The following RFX4 variants were observed in gnomAD, a reference collection of about 807,000 sequenced individuals.
RFX4 encodes the protein transcription factor RFX4.
Under a neutral mutation model 95.0 loss-of-function variants are expected in RFX4, and 10 were observed. The ratio of observed to expected loss-of-function variants is 0.11; its 90% CI spans 0.06 to 0.18. RFX4 has a LOEUF of 0.18. RFX4 is among the 10% of genes least tolerant of loss of function. RFX4 has a pLI of 1.00. For missense variants in RFX4, 640 were observed against 922.0 expected (o/e 0.69, Z 3.96); for synonymous variants, 321 against 340.7 (o/e 0.94, Z 0.64).
At chr12:106,589,545 T>A (rs1219696328) in intron 1 of RFX4, among the ~76,000 whole-genome samples, 2 of 152,136 alleles carry the variant, frequency 1.3e-5, no homozygotes, top group African/African-American at 4.8e-5. Flanking sequence ...CTTTTTAGGA[T>A]GAAAGAGGGT....
intron 16 of RFX4, 91 bp from the exon 17 acceptor site, chr12:106,750,564 G>A: frequency 1.6e-6 from 2 of 1,262,544 alleles, no homozygotes; most frequent in Non-Finnish European, 1.0e-6. Flanking sequence ...AGAAGAAAAA[G>A]GAAAAAAAAT....
At chr12:106,628,959 G>A (rs955174088) in intron 2 of RFX4, among the ~76,000 whole-genome samples, 4 of 151,836 alleles carry the variant, frequency 2.6e-5, no homozygotes, top group South Asian at 4.2e-4. Flanking sequence ...AGGTCTTGCC[G>A]TGTTGGTTAG....
At chr12:106,607,920 C>A (rs1323428863) in intron 1 of RFX4, among the ~76,000 whole-genome samples, 1 of 152,060 alleles carries the variant, frequency 6.6e-6, no homozygotes, top group Admixed American at 6.5e-5. Context: ...TGGCTGGGCA[C>A]CATGGCTCAC....
intron 8 of RFX4, among the ~76,000 whole-genome samples, chr12:106,701,812 G>A (rs967896915): frequency 2.0e-5 from 3 of 152,180 alleles, no homozygotes; most frequent in African/African-American, 7.2e-5. Context: ...AAGGCAGAAG[G>A]ATCACTTGAG....
chr12:106,760,225 C>T (rs1160399924), intron 17 of RFX4, among the ~76,000 whole-genome samples: 2 of 152,182 alleles, frequency 1.3e-5, no homozygotes, highest in African/African-American at 4.8e-5. Flanking sequence ...TGGTGTAGCC[C>T]TCAGCACAGC....
chr12:106,751,146 C>T (rs1289685271), intron 17 of RFX4, among the ~76,000 whole-genome samples: 1 of 147,742 alleles, frequency 6.8e-6, no homozygotes, highest in Non-Finnish European at 1.5e-5. Context: ...TCCATGTGAT[C>T]TCATTGTTCA....
intron 3 of RFX4, among the ~76,000 whole-genome samples, chr12:106,639,810 GC>G (rs2040583060): frequency 6.6e-6 from 1 of 152,038 alleles, no homozygotes; most frequent in South Asian, 2.1e-4. Context: ...TACTAGAATG[GC>G]TTTCTCTTTA....
At chr12:106,710,304 C>A (rs1274065258) in intron 9 of RFX4, among the ~76,000 whole-genome samples, 1 of 152,184 alleles carries the variant, frequency 6.6e-6, no homozygotes, top group East Asian at 1.9e-4. Context: ...CGCTTTGAGG[C>A]TGCCTGCAGT....
intron 2 of RFX4, among the ~76,000 whole-genome samples, chr12:106,613,805 T>A (rs979897799): frequency 6.6e-6 from 1 of 152,226 alleles, no homozygotes; most frequent in Non-Finnish European, 1.5e-5. Flanking sequence ...TGAAGGAGTT[T>A]GAGGATTAGA....
At chr12:106,644,379 G>A (rs572720478) in intron 3 of RFX4, among the ~76,000 whole-genome samples, 6 of 151,870 alleles carry the variant, frequency 4.0e-5, no homozygotes, top group South Asian at 2.1e-4. Flanking sequence ...GATTACAGGC[G>A]CGCACCGCCA....
intron 2 of RFX4, among the ~76,000 whole-genome samples, chr12:106,628,451 A>G (rs920238279): frequency 1.2e-4 from 19 of 152,228 alleles, no homozygotes; most frequent in Non-Finnish European, 2.1e-4. Context: ...ATGGGTGTTT[A>G]TAATTTGCTT....
intron 4 of RFX4, among the ~76,000 whole-genome samples, chr12:106,670,817 T>C (rs2041266684): frequency 6.6e-6 from 1 of 152,226 alleles, no homozygotes; most frequent in Admixed American, 6.5e-5. Flanking sequence ...TTAATTATTT[T>C]TTCTTTTCTG....
At chr12:106,618,292 C>A (rs970426785) in intron 2 of RFX4, among the ~76,000 whole-genome samples, 7 of 151,820 alleles carry the variant, frequency 4.6e-5, no homozygotes, top group Non-Finnish European at 1.0e-4. Flanking sequence ...TTAAATATTC[C>A]ATATCCTTAC....
chr12:106,670,936 C>A (rs1052569531), intron 4 of RFX4, among the ~76,000 whole-genome samples: 1 of 152,178 alleles, frequency 6.6e-6, no homozygotes, highest in Non-Finnish European at 1.5e-5. Context: ...CTAATCATTT[C>A]TCTCTCTTGT....
At chr12:106,644,346 G>T (rs1349313263) in intron 3 of RFX4, among the ~76,000 whole-genome samples, 1 of 147,866 alleles carries the variant, frequency 6.8e-6, no homozygotes, top group Admixed American at 7.0e-5. Flanking sequence ...CAATTCTCCT[G>T]CCTCAGCCTT....
At chr12:106,667,317 A>G (rs1592916166) in intron 4 of RFX4, among the ~76,000 whole-genome samples, 1 of 152,248 alleles carries the variant, frequency 6.6e-6, no homozygotes, top group East Asian at 1.9e-4. Flanking sequence ...GGCTCTGATA[A>G]TACCCCAGCA....
chr12:106,727,291 G>A (rs1375900043), intron 13 of RFX4, among the ~76,000 whole-genome samples: 1 of 152,014 alleles, frequency 6.6e-6, no homozygotes, highest in African/African-American at 2.4e-5. Flanking sequence ...TCTCAGGTAT[G>A]GTTTTTAAAA....
intron 17 of RFX4, among the ~76,000 whole-genome samples, chr12:106,757,706 C>A (rs1311142136): frequency 6.6e-6 from 1 of 152,220 alleles, no homozygotes; most frequent in Non-Finnish European, 1.5e-5. Flanking sequence ...ACAGTTTGTG[C>A]TCCTGACTGG....
Position 106,720,647 on chromosome 12 carries a change from A to G in RFX4, c.1234-112A>G. 1 of 1,053,150 alleles carries G rather than the reference A, an allele frequency of 9.5e-7. No homozygotes were observed. The highest frequency in any genetic ancestry group is 1.5e-6 in the Non-Finnish European group (1 of 686,920). The allele number at this position is 1,053,150 out of a possible 1,614,324, so 65.2% of individuals were successfully genotyped here. A position where few individuals can be genotyped will look rare whatever the true frequency, so the allele number is the denominator to read the frequency against. ...GATCATCCGCCCACCTTGGCCTCCC[A>G]AAGTGCTGGGATTACAGGCGTGAGC... On this transcript the variant is annotated intron_variant, in intron 12 of 17. Transcript: ENST00000392842. This position sits in a 1 kb window ranked among gnomAD's most constrained non-coding sequence, Gnocchi z 4.2.
Sources: allele counts gnomAD v4.1 joint callset (sites outside exome capture counted in the v4.1 genomes callset), GRCh38; gene constraint gnomAD v4.1.1; non-coding constraint Gnocchi (gnomAD v3.1); transcripts MANE v1.5; gene names NCBI Gene and HGNC (gene_info 2026-07-23, HGNC 2026-07-21).